LAMP5: variants seen among roughly 807,000 people sequenced by gnomAD.
LAMP5 encodes lysosome-associated membrane glycoprotein 5.
Under a neutral mutation model 30.2 loss-of-function variants are expected in LAMP5, and 36 were observed. The observed-to-expected ratio is 1.19, with a 90% CI of 0.91 to 1.57. The LOEUF (loss-of-function observed/expected upper bound fraction) is 1.57. Among genes scored for constraint, LAMP5 ranks in the 40% most tolerant of loss-of-function variants. LAMP5 has a pLI of 0.00. For synonymous variants in LAMP5, 149 were observed against 134.6 expected (o/e 1.11, Z -0.74); for missense variants, 377 against 354.9 (o/e 1.06, Z -0.50).
chr20:9,528,565 G>T (rs923001348), intron 5 of LAMP5, among the ~76,000 whole-genome samples: 2 of 152,080 alleles, frequency 1.3e-5, no homozygotes, highest in African/African-American at 4.8e-5. Flanking sequence ...TCATTAAAGT[G>T]TATGCGCATA....
At chr20:9,520,579 G>A (rs541874262) in intron 5 of LAMP5, among the ~76,000 whole-genome samples, 89 of 113,704 alleles carry the variant, frequency 7.8e-4, no homozygotes, top group African/African-American at 3.7e-3. Context: ...CCGTGTGTTC[G>A]TGTGTGTGTG....
rs2045020327 is a variant in LAMP5, at chr20:9,514,659, C to T, written c.-194C>T. The T allele has an allele frequency of 1.9e-6, 1 of 532,860 alleles. No homozygotes were observed. The highest frequency in any genetic ancestry group is 3.4e-6 in the Non-Finnish European group (1 of 296,360). The allele number at this position is 532,860 out of a possible 1,614,324, so 33.0% of individuals were successfully genotyped here. On this transcript the variant is annotated 5_prime_UTR_variant, in exon 1 of 6. Transcript: ENST00000246070. ...TTCCTCCGCAGTGAGCCGATTTGCT[C>T]TGCCAGCAGCTGTCGGTGCCGCGCT...
intron 5 of LAMP5, among the ~76,000 whole-genome samples, chr20:9,521,307 C>A (rs939981246): frequency 6.6e-6 from 1 of 152,092 alleles, no homozygotes; most frequent in African/African-American, 2.4e-5. Context: ...TGCCTTGGAG[C>A]CTTAGAACTC....
chr20:9,515,594 C>T lies in LAMP5; in HGVS notation c.206C>T (p.Pro69Leu). The T allele has an allele frequency of 6.2e-7, 1 of 1,614,150 alleles. No individual in the cohort carries two copies. Among genetic ancestry groups the T allele is most frequent in the Non-Finnish European group, 8.5e-7 (1 of 1,180,028 alleles). ...MAEFAAKFIV[P>L]YDVWASNYVD... ...GAGTTTGCAGCCAAATTTATTGTAC[C>T]TTATGATGTGTGGGCCAGCAACTAC... Residue 69 changes from proline (P) to leucine (L), a missense_variant, in exon 2 of 6, where the codon CCT (proline) becomes CTT (leucine). Coordinates refer to ENST00000246070, the MANE Select transcript of LAMP5 (RefSeq NM_012261.4).
intron 5 of LAMP5, among the ~76,000 whole-genome samples, chr20:9,527,968 AT>A (rs1453743195): frequency 1.1e-4 from 17 of 152,362 alleles, no homozygotes; most frequent in Admixed American, 3.3e-4. Flanking sequence ...TTACTTAAAA[AT>A]TATAGCATAA....
At chr20:9,518,825 G>A (rs1479471644) in intron 5 of LAMP5, among the ~76,000 whole-genome samples, 4 of 152,244 alleles carry the variant, frequency 2.6e-5, no homozygotes, top group African/African-American at 4.8e-5. Flanking sequence ...GGGGGTGGGT[G>A]CGTATGCACA....
At position 9,516,100 on chromosome 20, in the gene LAMP5, G is replaced by C. The variant is rs772943023; in HGVS notation, c.338G>C (p.Arg113Pro). 4 of 1,548,152 alleles carry C rather than the reference G, an allele frequency of 2.6e-6. No individual in the cohort carries two copies. In the African/African-American group the frequency reaches 5.5e-5, roughly 21 times the overall value. ...GAGCTGCAAGTGTTCTGGGTGGATC[G>C]CGCATATGCACTCAAAATGCTCTTT... ...QSELQVFWVD[R>P]AYALKMLFVK... The change falls in exon 3 of 6, where the codon CGC (arginine) becomes CCC (proline). Residue 113 changes from arginine (R) to proline (P), a missense_variant. Transcript: ENST00000246070.
rs2045039693 is a variant in LAMP5 at position 9,516,338 on chromosome 20, C to T, written c.452C>T (p.Thr151Ile). The change falls in exon 4 of 6, where the codon ACC becomes ATC. Residue 151 changes from threonine (T) to isoleucine (I), a missense_variant. Coordinates refer to ENST00000246070, the MANE Select transcript of LAMP5 (RefSeq NM_012261.4). ...TTTGTCTACGACTCCTCGGAGAAAA[C>T]CCACTTCAAAGACGCAGTCAGTGGT... ...VQFVYDSSEK[T>I]HFKDAVSAGK... 1 of 1,614,078 alleles carries T rather than the reference C, an allele frequency of 6.2e-7. No individual in the cohort carries two copies. The highest frequency in any genetic ancestry group is 1.3e-5 in the African/African-American group (1 of 75,040).
intron 5 of LAMP5, among the ~76,000 whole-genome samples, chr20:9,527,131 G>A (rs1460704280): frequency 1.3e-5 from 2 of 151,828 alleles, no homozygotes; most frequent in Admixed American, 1.3e-4. Context: ...TCAGGAAACC[G>A]AACTGACAAA....
chr20:9,527,636 G>C (rs892147088), intron 5 of LAMP5, among the ~76,000 whole-genome samples: 2 of 152,142 alleles, frequency 1.3e-5, no homozygotes, highest in Non-Finnish European at 2.9e-5. Context: ...TGTAAAGCTT[G>C]TTTATTTTTC....
Position 9,529,939 on chromosome 20 carries a change from G to A in LAMP5, c.*119G>A. ...AACATAGCTACAATCAAACAGGCCT[G>A]GGTATCTGAGGCTTGCTTGGCTTGT... On this transcript the variant is annotated 3_prime_UTR_variant, in exon 6 of 6. Transcript: ENST00000246070. 1.0e-6 allele frequency: 1 copy of A among 992,364 alleles called. No homozygotes were observed. The highest frequency in any genetic ancestry group is 2.5e-5 in the East Asian group (1 of 40,008). 61.5% of individuals were successfully genotyped at this position (992,364 alleles called of 1,614,324 possible).
At chr20:9,517,966 C>A in intron 4 of LAMP5, 74 bp from the exon 5 acceptor site, 3 of 1,356,474 alleles carry the variant, frequency 2.2e-6, no homozygotes, top group Middle Eastern at 2.6e-4. Flanking sequence ...AACTGAGAGG[C>A]AATAGCCAGC....
chr20:9,521,037 A>G (rs1247409177), intron 5 of LAMP5, among the ~76,000 whole-genome samples: 2 of 152,134 alleles, frequency 1.3e-5, no homozygotes, highest in Admixed American at 6.5e-5. Context: ...TGGCCCATGG[A>G]GCACTATAGA....
chr20:9,530,161 A>G lies in LAMP5; in HGVS notation c.*341A>G. The G allele has an allele frequency of 4.8e-6, 1 of 209,866 alleles. No homozygotes were observed. Among genetic ancestry groups the G allele is most frequent in the East Asian group, 1.0e-4 (1 of 9,952 alleles). The allele number at this position is 209,866 out of a possible 1,614,324, so 13.0% of individuals were successfully genotyped here. On this transcript the variant is annotated 3_prime_UTR_variant, in exon 6 of 6. Coordinates refer to ENST00000246070, the MANE Select transcript of LAMP5 (RefSeq NM_012261.4). ...CTGGCCCCAAAGTTTAGGGATTGAA[A>G]ACATGCTTCTTTGAGGAGGAAACCC...
chr20:9,529,574 G>T, intron 5 of LAMP5, 68 bp from the exon 6 acceptor site: 32 of 1,479,630 alleles, frequency 2.2e-5, no homozygotes, highest in Admixed American at 1.9e-4. Context: ...TTCCCTTTTT[G>T]TTTTGTAGAA....
chr20:9,528,592 C>T (rs986023722), intron 5 of LAMP5, among the ~76,000 whole-genome samples: 2 of 151,898 alleles, frequency 1.3e-5, no homozygotes, highest in African/African-American at 4.8e-5. Flanking sequence ...TATCACGTGT[C>T]CCATAAATAT....
At chr20:9,517,621 ATG>A (rs3037127) in intron 4 of LAMP5, among the ~76,000 whole-genome samples, 1 of 149,180 alleles carries the variant, frequency 6.7e-6, no homozygotes, top group Non-Finnish European at 1.5e-5. Context: ...TTGTAAATGT[ATG>A]TGTGTGTGTG....
chr20:9,514,626 G>T lies in LAMP5; in HGVS notation c.-227G>T. On this transcript the variant is annotated 5_prime_UTR_variant, in exon 1 of 6. Coordinates refer to ENST00000246070, the MANE Select transcript of LAMP5 (RefSeq NM_012261.4). ...AGCACTCGCAGCCGTGGACCGCCGT[G>T]CGGTCCTTTCCTCCGCAGTGAGCCG... The T allele has an allele frequency of 1.9e-6, 1 of 512,884 alleles. No homozygotes were observed. The highest frequency in any genetic ancestry group is 3.5e-6 in the Non-Finnish European group (1 of 285,842). The allele number at this position is 512,884 out of a possible 1,614,324, so 31.8% of individuals were successfully genotyped here. A position where few individuals can be genotyped will look rare whatever the true frequency, so the allele number is the denominator to read the frequency against.
At position 9,529,663 on chromosome 20, in the gene LAMP5, A is replaced by C. The variant is rs766696500; in HGVS notation, c.686A>C (p.Glu229Ala). ...FSEEHKCPVD[E>A]REQLEETLPL... is the part of the protein sequence containing the mutation. The stretch of plus-strand genomic sequence containing the variant: ...GCAGAGCATAAATGCCCAGTGGATG[A>C]GCGGGAGCAACTGGAAGAAACCTTG... The change falls in exon 6 of 6, where the codon GAG becomes GCG. Residue 229 changes from glutamate to alanine, a missense_variant. Transcript: ENST00000246070. 1.4e-5 allele frequency: 23 copies of C among 1,614,042 alleles called. No homozygotes were observed. Among genetic ancestry groups the C allele is most frequent in the Non-Finnish European group, 1.9e-5 (22 of 1,180,036 alleles).
Sources: gnomAD v4.1 joint callset for allele counts (sites outside exome capture counted in the v4.1 genomes callset) on GRCh38, gnomAD v4.1.1 for gene constraint, MANE v1.5 for transcripts, NCBI Gene and HGNC (gene_info 2026-07-23, HGNC 2026-07-21) for gene names.